The following HGD variants were observed in gnomAD, a reference collection of about 807,000 sequenced individuals.
HGD encodes the protein homogentisate oxidase.
Under a neutral mutation model 60.8 loss-of-function variants are expected in HGD, and 61 were observed. That is an observed-to-expected ratio of 1.00 (90% CI 0.82 to 1.24). The LOEUF (loss-of-function observed/expected upper bound fraction) is 1.24, where lower values mean the gene tolerates loss of function less well. Ranked by LOEUF, HGD falls within the 50% of genes most tolerant of loss-of-function variation. The pLI, the probability that HGD is intolerant of heterozygous loss-of-function variation, is 0.00. For missense variants in HGD, 542 were observed against 547.1 expected (o/e 0.99, Z 0.09); for synonymous variants, 212 against 187.7 (o/e 1.13, Z -1.06).
At chr3:120,647,234 T>C (rs1941194570) in intron 7 of HGD, among the ~76,000 whole-genome samples, 182 bp from the exon 8 acceptor site, 1 of 152,200 alleles carries the variant, frequency 6.6e-6, no homozygotes. Context: ...TCTAGAAGAA[T>C]GTGAATAAAA....
intron 1 of HGD, 144 bp from the exon 2 acceptor site, chr3:120,676,007 G>T: frequency 2.8e-6 from 2 of 726,742 alleles, no homozygotes; most frequent in Non-Finnish European, 5.1e-6. Flanking sequence ...ACTGTGTCTT[G>T]ACATATGAAT....
intron 6 of HGD, among the ~76,000 whole-genome samples, chr3:120,649,784 T>C (rs376599849): frequency 2.6e-5 from 4 of 152,178 alleles, no homozygotes; most frequent in East Asian, 1.9e-4. Flanking sequence ...GAAATACATA[T>C]AAGAGCTGAT....
intron 6 of HGD, 146 bp downstream of exon 6, chr3:120,650,628 T>C (rs1941308109): frequency 1.4e-6 from 1 of 708,992 alleles, no homozygotes; most frequent in Non-Finnish European, 2.6e-6. Flanking sequence ...TAAATATATA[T>C]GAATATTGCC....
chr3:120,676,771 A>G (rs4143446), intron 1 of HGD, among the ~76,000 whole-genome samples: 69,868 of 152,034 alleles, frequency 0.46, 16,990 homozygotes, highest in African/African-American at 0.61. Context: ...CTTGCTCAGC[A>G]AGCGAAATGT....
At chr3:120,632,618 T>G (rs557820354) in intron 13 of HGD, among the ~76,000 whole-genome samples, 9 of 152,290 alleles carry the variant, frequency 5.9e-5, no homozygotes, top group African/African-American at 1.9e-4. Flanking sequence ...TTGAAACACG[T>G]GCTGAAGGTG....
intron 13 of HGD, among the ~76,000 whole-genome samples, chr3:120,630,825 T>TATATATATATATATACAC (rs1491569082): frequency 9.6e-6 from 1 of 104,120 alleles, no homozygotes; most frequent in Non-Finnish European, 1.8e-5. Context: ...TATATATATA[T>TATATATATATATATACAC]ACACATACAC....
At chr3:120,630,797 T>C (rs891132299) in intron 13 of HGD, among the ~76,000 whole-genome samples, 1 of 39,594 alleles carries the variant, frequency 2.5e-5, no homozygotes, top group Admixed American at 3.7e-4. Context: ...ACTTAAGAGC[T>C]TTATATATAT....
At chr3:120,664,461 A>G (rs1576310455) in intron 4 of HGD, among the ~76,000 whole-genome samples, 1 of 115,028 alleles carries the variant, frequency 8.7e-6, no homozygotes, top group Non-Finnish European at 1.7e-5. Flanking sequence ...AGGGTTTCAC[A>G]CTGTTGCCCA....
intron 4 of HGD, among the ~76,000 whole-genome samples, chr3:120,665,984 A>G (rs1368388813): frequency 6.6e-6 from 1 of 152,230 alleles, no homozygotes; most frequent in Admixed American, 6.5e-5. Flanking sequence ...GGAGAAAGTG[A>G]TGAATGCAAA....
chr3:120,674,368 G>A (rs758891996), intron 3 of HGD, among the ~76,000 whole-genome samples: 1 of 152,122 alleles, frequency 6.6e-6, no homozygotes, highest in Non-Finnish European at 1.5e-5. Context: ...GAATATGCTG[G>A]TTTCTAGCAA....
intron 7 of HGD, 74 bp downstream of exon 7, chr3:120,647,803 T>C (rs1035709941): frequency 2.6e-5 from 28 of 1,093,094 alleles, no homozygotes; most frequent in Non-Finnish European, 3.8e-5. Flanking sequence ...GAAAATAATG[T>C]GTATAAAATT....
At chr3:120,634,750 A>G (rs1940704977) in intron 12 of HGD, among the ~76,000 whole-genome samples, 1 of 152,164 alleles carries the variant, frequency 6.6e-6, no homozygotes, top group African/African-American at 2.4e-5. Context: ...TTACATGTGA[A>G]GTATAACCAA....
chr3:120,657,818 T>TGAGA (rs71133511), intron 4 of HGD, among the ~76,000 whole-genome samples: 2 of 146,992 alleles, frequency 1.4e-5, no homozygotes, highest in African/African-American at 5.1e-5. Flanking sequence ...GGAACAGGAG[T>TGAGA]GAGAGAGAGA....
In HGD at chr3:120,652,662, A is replaced by T. The variant is rs374796116; in HGVS notation, c.283-11T>A. 6.3e-7 allele frequency: 1 copy of T among 1,598,828 alleles called. No individual in the cohort carries two copies. The highest frequency in any genetic ancestry group is 1.3e-5 in the African/African-American group (1 of 74,644). On this transcript the variant is annotated splice_polypyrimidine_tract_variant and intron_variant, in intron 4 of 13. Coordinates refer to ENST00000283871, the MANE Select transcript of HGD (RefSeq NM_000187.4). ...TGGTTTCCATCTAAGCTGGAAAAAAAATACACATACAGAAAAATTACTTCA... is the reference window on the plus strand; with the variant it reads ...TGGTTTCCATCTAAGCTGGAAAAAATATACACATACAGAAAAATTACTTCA...
intron 13 of HGD, among the ~76,000 whole-genome samples, 164 bp downstream of exon 13, chr3:120,632,983 C>T (rs1438321542): frequency 6.6e-6 from 1 of 152,208 alleles, no homozygotes; most frequent in Non-Finnish European, 1.5e-5. Flanking sequence ...CTAGTATATA[C>T]ACAAGGATGT....
At chr3:120,671,919 T>C (rs1708032696) in intron 3 of HGD, among the ~76,000 whole-genome samples, 1 of 148,146 alleles carries the variant, frequency 6.8e-6, no homozygotes, top group South Asian at 2.1e-4. Flanking sequence ...TTCTCACTCA[T>C]AAGTGGGAGC....
chr3:120,636,983 C>T (rs928129792), intron 12 of HGD, among the ~76,000 whole-genome samples: 1 of 151,890 alleles, frequency 6.6e-6, no homozygotes. Context: ...ACTCTATGCA[C>T]AAAAAAATGC....
chr3:120,675,048 C>T, intron 2 of HGD, 59 bp from the exon 3 acceptor site: 1 of 1,139,780 alleles, frequency 8.8e-7, no homozygotes, highest in East Asian at 2.4e-5. Context: ...CCCACCTTCC[C>T]ACCAACCAAC....
chr3:120,630,821 TATATACACATACAC>T (rs1229006938), intron 13 of HGD, among the ~76,000 whole-genome samples: 1 of 80,696 alleles, frequency 1.2e-5, no homozygotes, highest in Admixed American at 1.4e-4. Flanking sequence ...TATATATATA[TATATACACATACAC>T]ACACACATAC....
Sources: allele counts gnomAD v4.1 joint callset (sites outside exome capture counted in the v4.1 genomes callset), GRCh38; gene constraint gnomAD v4.1.1; transcripts MANE v1.5; gene names NCBI Gene and HGNC (gene_info 2026-07-23, HGNC 2026-07-21).